BPHL: variants seen among roughly 807,000 people sequenced by gnomAD.
BPHL encodes biphenyl hydrolase like, also known as serine hydrolase BPHL.
A neutral mutation model predicts 31.2 loss-of-function variants in BPHL; 27 were observed. The ratio of observed to expected loss-of-function variants is 0.87; its 90% CI spans 0.64 to 1.19. The LOEUF is 1.19. Among genes scored for constraint, BPHL ranks in the 50% most tolerant of loss-of-function variants. The pLI is 0.00. For missense variants in BPHL, 356 were observed against 375.7 expected (o/e 0.95, Z 0.43); for synonymous variants, 150 against 146.8 (o/e 1.02, Z -0.16).
At chr6:3,137,270 A>G (rs1331719457) in intron 4 of BPHL, 92 bp from the exon 5 acceptor site, 15 of 1,475,904 alleles carry the variant, frequency 1.0e-5, no homozygotes, top group Admixed American at 1.9e-5. Flanking sequence ...CAGTGAGCGC[A>G]TGGGCTCAGA....
At position 3,152,557 on chromosome 6, in the gene BPHL, A is replaced by T. The variant is rs780190214; in HGVS notation, c.858A>T (p.Ala286=). The T allele has an allele frequency of 5.6e-6, 9 of 1,613,338 alleles. No individual in the cohort carries two copies. The South Asian group carries it at 9.9e-5, about 18-fold the overall frequency. Residue 286 remains alanine, a synonymous_variant, in exon 7 of 7, where the codon GCA becomes GCT. Coordinates refer to ENST00000380379, the MANE Select transcript of BPHL (RefSeq NM_004332.4). ...LRFADEFNKL[A]EDFLQ ...TTGCAGATGAATTCAACAAGTTAGCAGAAGACTTCCTACAATGAGAATGCA... is the reference window on the plus strand; with the variant it reads ...TTGCAGATGAATTCAACAAGTTAGCTGAAGACTTCCTACAATGAGAATGCA...
At chr6:3,148,608 C>A (rs1387206290) in intron 6 of BPHL, among the ~76,000 whole-genome samples, 1 of 152,226 alleles carries the variant, frequency 6.6e-6, no homozygotes, top group Admixed American at 6.5e-5. Flanking sequence ...AGTTCCCCAC[C>A]ACTGGCATCC....
rs112506760 is a variant in BPHL at position 3,129,805 on chromosome 6, GT to G, written c.532+625del. On this transcript the variant is annotated intron_variant, in intron 4 of 6. Coordinates refer to ENST00000380379, the MANE Select transcript of BPHL (RefSeq NM_004332.4). ...GTTGTCCTTCAAGCCTGTCTTTGAGGTTTTTTTTTTTTTTTTTTGAGTTTGA... is the reference window on the plus strand; with the variant it reads ...GTTGTCCTTCAAGCCTGTCTTTGAGGTTTTTTTTTTTTTTTTTGAGTTTGA... Among the ~76,000 whole-genome samples, 1,122 of 136,494 alleles carry G rather than the reference GT, an allele frequency of 8.2e-3. 4 individuals are homozygous for G. Among genetic ancestry groups the G allele is most frequent in the African/African-American group, 0.025 (944 of 37,524 alleles). The allele number at this position is 136,494 out of a possible 152,430, so 89.5% of individuals were successfully genotyped here.
At chr6:3,144,889 G>A (rs933774888) in intron 6 of BPHL, among the ~76,000 whole-genome samples, 20 of 152,218 alleles carry the variant, frequency 1.3e-4, no homozygotes, top group Admixed American at 6.5e-4. Context: ...AGGACCAGCC[G>A]CGTATTCTGA....
intron 4 of BPHL, among the ~76,000 whole-genome samples, chr6:3,130,396 A>G (rs1217923143): frequency 1.3e-5 from 2 of 152,284 alleles, no homozygotes; most frequent in East Asian, 3.9e-4. Context: ...CATTGAGATG[A>G]CCAGGCTCTT....
At chr6:3,120,012 T>G (rs1043468477) in intron 1 of BPHL, among the ~76,000 whole-genome samples, 16 of 152,120 alleles carry the variant, frequency 1.1e-4, no homozygotes, top group African/African-American at 2.9e-4. Context: ...GGCATCGAAA[T>G]AAGTTACTGT....
In BPHL at chr6:3,131,517, G is replaced by T. The variant is rs552887176; in HGVS notation, c.532+2319G>T. Among the ~76,000 whole-genome samples, 6 of 152,186 alleles carry T rather than the reference G, an allele frequency of 3.9e-5. No homozygotes were observed. In the South Asian group the frequency reaches 1.2e-3, roughly 32 times the overall value. ...TCCCCACATTCTCCTGGTTTAGGCC[G>T]CTAGCTTCATATGGTAGTTTGTTCT... On this transcript the variant is annotated intron_variant, in intron 4 of 6. Coordinates refer to ENST00000380379, the MANE Select transcript of BPHL (RefSeq NM_004332.4).
In BPHL at chr6:3,127,292, C is replaced by A. The variant is rs1761743269; in HGVS notation, c.262C>A (p.Leu88Ile). 6.2e-7 allele frequency: 1 copy of A among 1,602,552 alleles called. No individual in the cohort carries two copies. The highest frequency in any genetic ancestry group is 1.3e-5 in the African/African-American group (1 of 74,552). ...GPQLKNLNKK[L>I]FTVVAWDPRG... Reference sequence around the variant, plus strand: ...TCAGCTCAAGAACCTCAATAAGAAGCTCTTCACGGTGGTCGCCTGGGATCC... The same window carrying A: ...TCAGCTCAAGAACCTCAATAAGAAGATCTTCACGGTGGTCGCCTGGGATCC... The change falls in exon 3 of 7, where the codon CTC (leucine) becomes ATC (isoleucine). Residue 88 changes from leucine (L) to isoleucine (I), a missense_variant. Physicochemically the swap from Leu to Ile is conservative, Grantham distance 5. Transcript: ENST00000380379.
rs1440109536 is a variant in BPHL, at chr6:3,145,479, C to G, written c.788+4970C>G. Among the ~76,000 whole-genome samples the G allele has an allele frequency of 8.8e-5, 6 of 68,552 alleles. 1 individual carries two copies. The highest frequency in any genetic ancestry group is 5.1e-4 in the Admixed American group (4 of 7,914). 45.0% of individuals were successfully genotyped at this position (68,552 alleles called of 152,430 possible). On this transcript the variant is annotated intron_variant, in intron 6 of 6. Coordinates refer to ENST00000380379, the MANE Select transcript of BPHL (RefSeq NM_004332.4). ...TGGAGTGCTGGTTTGGGTTTGAATG[C>G]TGATTCGGGGTGGAGTGCTGGTTCG... is the stretch of plus-strand genomic sequence containing the variant.
intron 1 of BPHL, among the ~76,000 whole-genome samples, chr6:3,121,773 A>G (rs1033908040): frequency 1.3e-5 from 2 of 152,230 alleles, no homozygotes; most frequent in South Asian, 2.1e-4. Flanking sequence ...TAGTTTAGTC[A>G]GACCTTATTA....
At chr6:3,119,248 G>C in intron 1 of BPHL, 1 of 1,512,296 alleles carries the variant, frequency 6.6e-7, no homozygotes, top group Non-Finnish European at 8.9e-7. Context: ...CACACTAAGG[G>C]CATAAGGACA....
chr6:3,118,609 C>A (rs934766989), upstream of BPHL: 3 of 596,094 alleles, frequency 5.0e-6, no homozygotes, highest in Admixed American at 1.3e-4. Flanking sequence ...CGGGGCGGGG[C>A]GGGCAGAGGG....
intron 4 of BPHL, among the ~76,000 whole-genome samples, chr6:3,130,355 C>G (rs935556142): frequency 6.6e-6 from 1 of 152,176 alleles, no homozygotes; most frequent in African/African-American, 2.4e-5. Context: ...GTCAGCAACT[C>G]AGGAGTTGCT....
At chr6:3,148,533 G>T (rs892757563) in intron 6 of BPHL, among the ~76,000 whole-genome samples, 2 of 152,226 alleles carry the variant, frequency 1.3e-5, no homozygotes, top group Non-Finnish European at 2.9e-5. Flanking sequence ...TGCAGCTTCC[G>T]TTCTGGACTG....
rs1271776073 is a variant in BPHL at position 3,118,754 on chromosome 6, TG to T, written c.17del (p.Gly6AlafsTer15). ...CGACCTGTGACCATGGTGGCTGTGC[TG>T]GGCGGCCGGGGCGTGTTGCGCCTGC... The part of the protein sequence containing the change: MVAV[L>X]GGRGVLRLRL... On this transcript the variant is annotated frameshift_variant, in exon 1 of 7. Coordinates refer to ENST00000380379, the MANE Select transcript of BPHL (RefSeq NM_004332.4). LOFTEE classifies it high-confidence loss of function. 2.4e-6 allele frequency: 3 copies of T among 1,260,956 alleles called. No homozygotes were observed. The highest frequency in any genetic ancestry group is 3.0e-6 in the Non-Finnish European group (3 of 999,322). The allele number at this position is 1,260,956 out of a possible 1,614,324, so 78.1% of individuals were successfully genotyped here. A position where few individuals can be genotyped will look rare whatever the true frequency, so the allele number is the denominator to read the frequency against.
Position 3,131,516 on chromosome 6 carries a change from C to T in BPHL, c.532+2318C>T, listed in dbSNP as rs111619636. Among the ~76,000 whole-genome samples, 855 of 152,262 alleles carry T rather than the reference C, an allele frequency of 5.6e-3. 12 individuals are homozygous for T. The highest frequency in any genetic ancestry group is 0.037 in the Middle Eastern group (11 of 294). On this transcript the variant is annotated intron_variant, in intron 4 of 6. Transcript: ENST00000380379. Reference sequence around the variant, plus strand: ...TTCCCCACATTCTCCTGGTTTAGGCCGCTAGCTTCATATGGTAGTTTGTTC... The same window carrying T: ...TTCCCCACATTCTCCTGGTTTAGGCTGCTAGCTTCATATGGTAGTTTGTTC...
At chr6:3,147,564 G>A (rs1167497947) in intron 6 of BPHL, among the ~76,000 whole-genome samples, 2 of 152,038 alleles carry the variant, frequency 1.3e-5, no homozygotes, top group Non-Finnish European at 2.9e-5. Context: ...CTCCTGAATA[G>A]CTAAGACAAC....
rs558722441 is a variant in BPHL, at chr6:3,134,574, C to T, written c.533-2788C>T. ...GCCTCAGCCTCCCAAGTAGCTGGCACTACAGGCGTGTGCCACCGCACCTGG... is the reference window on the plus strand; with the variant it reads ...GCCTCAGCCTCCCAAGTAGCTGGCATTACAGGCGTGTGCCACCGCACCTGG... On this transcript the variant is annotated intron_variant, in intron 4 of 6. Coordinates refer to ENST00000380379, the MANE Select transcript of BPHL (RefSeq NM_004332.4). Among the ~76,000 whole-genome samples, 287 of 150,404 alleles carry T rather than the reference C, an allele frequency of 1.9e-3. 2 individuals carry two copies. Among genetic ancestry groups the T allele is most frequent in the African/African-American group, 6.6e-3 (271 of 40,946 alleles).
chr6:3,141,795 G>A lies in BPHL; in HGVS notation c.788+1286G>A, dbSNP rs144079694. ...TCAAGACCAGCCTAGCCAACATGGC[G>A]AAACCCCATCTGTACTAAAAATACA... On this transcript the variant is annotated intron_variant, in intron 6 of 6. Transcript: ENST00000380379. Among the ~76,000 whole-genome samples, 650 of 152,062 alleles carry A rather than the reference G, an allele frequency of 4.3e-3. 5 individuals carry two copies. The highest frequency in any genetic ancestry group is 0.015 in the African/African-American group (615 of 41,552).
Sources: gnomAD v4.1 joint callset for allele counts (sites outside exome capture counted in the v4.1 genomes callset) on GRCh38, gnomAD v4.1.1 for gene constraint, MANE v1.5 for transcripts, NCBI Gene and HGNC (gene_info 2026-07-23, HGNC 2026-07-21) for gene names.